Variants in NEBL observed in about 807,000 individuals in gnomAD.
The protein encoded by NEBL is nebulette.
Under a neutral mutation model 140.2 loss-of-function variants are expected in NEBL, and 122 were observed. That is an observed-to-expected ratio of 0.87 (90% CI 0.75 to 1.01). The LOEUF (loss-of-function observed/expected upper bound fraction) is 1.01. NEBL is among the 50% of genes least tolerant of loss of function. NEBL has a pLI of 0.00. For missense variants in NEBL, 1,365 were observed against 1,231.3 expected (o/e 1.11, Z -1.62); for synonymous variants, 436 against 398.9 (o/e 1.09, Z -1.11).
chr10:20,907,021 T>A lies in NEBL; in HGVS notation c.357+54651A>T, dbSNP rs1312751604. Among the ~76,000 whole-genome samples the A allele has an allele frequency of 2.2e-4, 34 of 152,178 alleles. 3 individuals are homozygous for A. The highest frequency in any genetic ancestry group is 2.2e-3 in the Admixed American group (34 of 15,274). Reference sequence around the variant, plus strand: ...CACAACTCAATTCCAACTAGCCACATTTTAAGTGTTCAATGGTCAGATGTA... The same window carrying A: ...CACAACTCAATTCCAACTAGCCACAATTTAAGTGTTCAATGGTCAGATGTA... On this transcript the variant is annotated intron_variant, in intron 4 of 6. Transcript: ENST00000417816.
intron 3 of NEBL, among the ~76,000 whole-genome samples, chr10:21,235,881 G>C (rs1247015133): frequency 6.6e-6 from 1 of 152,072 alleles, no homozygotes; most frequent in Non-Finnish European, 1.5e-5. Flanking sequence ...GAGATGTGGC[G>C]ATCATTCATG....
intron 2 of NEBL, among the ~76,000 whole-genome samples, chr10:21,054,032 C>CAAAACAA (rs10595673): frequency 6.6e-6 from 1 of 150,980 alleles, no homozygotes; most frequent in Non-Finnish European, 1.5e-5. Flanking sequence ...GACTCCATCT[C>CAAAACAA]AAAACAAAAA....
At chr10:21,005,333 A>T (rs78993744) in intron 3 of NEBL, among the ~76,000 whole-genome samples, 1 of 152,194 alleles carries the variant, frequency 6.6e-6, no homozygotes, top group Non-Finnish European at 1.5e-5. Flanking sequence ...CAGCTGGTCA[A>T]ATTGGCCAGA....
intron 3 of NEBL, among the ~76,000 whole-genome samples, chr10:20,966,125 T>A (rs1052290441): frequency 6.6e-6 from 1 of 152,214 alleles, no homozygotes; most frequent in Non-Finnish European, 1.5e-5. Context: ...AGAAGTAACT[T>A]CAAAATGTCT....
At chr10:21,075,618 C>T (rs1047343974) in intron 2 of NEBL, among the ~76,000 whole-genome samples, 1 of 152,156 alleles carries the variant, frequency 6.6e-6, no homozygotes, top group Non-Finnish European at 1.5e-5. Context: ...CGGTCTGCAG[C>T]GTGGATGATC....
chr10:20,833,328 G>GAAAT (rs1375716953), intron 14 of NEBL, among the ~76,000 whole-genome samples: 1 of 152,058 alleles, frequency 6.6e-6, no homozygotes, highest in Admixed American at 6.5e-5. Flanking sequence ...AGGGTCATTT[G>GAAAT]TGTCACAATA....
intron 1 of NEBL, among the ~76,000 whole-genome samples, chr10:21,273,139 G>A (rs1356065472): frequency 6.6e-6 from 1 of 152,104 alleles, no homozygotes; most frequent in Non-Finnish European, 1.5e-5. Flanking sequence ...GAGCTTGTGG[G>A]CCCTCGGAGG....
intron 2 of NEBL, chr10:21,171,685 C>G (rs751056589): frequency 6.5e-6 from 1 of 154,226 alleles, no homozygotes; most frequent in Non-Finnish European, 1.4e-5. Context: ...GCTTGACACA[C>G]GGTGAGCGCG....
At position 20,828,564 on chromosome 10, in the gene NEBL, T is replaced by C; in HGVS notation, c.1742A>G (p.Gln581Arg). The change falls in exon 17 of 28, where the codon CAG becomes CGG. Residue 581 changes from glutamine (Q) to arginine (R), a missense_variant. Physicochemically the swap from Gln to Arg is conservative, Grantham distance 43 (BLOSUM62 1). This residue lies in a region of NEBL where 1,323 missense variants were observed against 1,154.8 expected (regional missense o/e 1.15). Transcript: ENST00000377122. ...GTTTTGTTGAGTTGTCTTAATTCTC[T>C]GAATTTCAGGAGTATCTGCTATGGT... ...YSTIADTPEI[Q>R]RIKTTQQNIS... 6.3e-7 allele frequency: 1 copy of C among 1,595,898 alleles called. No homozygotes were observed. Among genetic ancestry groups the C allele is most frequent in the Non-Finnish European group, 8.6e-7 (1 of 1,163,796 alleles).
At chr10:21,004,980 G>A (rs1838072549) in intron 3 of NEBL, among the ~76,000 whole-genome samples, 1 of 152,150 alleles carries the variant, frequency 6.6e-6, no homozygotes, top group Non-Finnish European at 1.5e-5. Flanking sequence ...GTGAATTAAG[G>A]GTAGGCCATT....
At chr10:21,259,897 G>A (rs1330638725) in intron 1 of NEBL, among the ~76,000 whole-genome samples, 3 of 152,162 alleles carry the variant, frequency 2.0e-5, no homozygotes, top group South Asian at 2.1e-4. Flanking sequence ...TTTGAGTGGC[G>A]GAGGAAGCAT....
intron 2 of NEBL, among the ~76,000 whole-genome samples, chr10:21,139,283 C>T (rs1472786520): frequency 6.6e-6 from 1 of 151,968 alleles, no homozygotes; most frequent in Non-Finnish European, 1.5e-5. Context: ...GGAGTTGTGG[C>T]CAAAGGTTTT....
chr10:21,142,787 G>A (rs1284216106), intron 2 of NEBL, among the ~76,000 whole-genome samples: 1 of 152,042 alleles, frequency 6.6e-6, no homozygotes, highest in Non-Finnish European at 1.5e-5. Context: ...GCGTGTGAGG[G>A]ATCCCAGTTG....
intron 2 of NEBL, among the ~76,000 whole-genome samples, chr10:21,021,415 G>T (rs1480106652): frequency 1.3e-5 from 2 of 152,044 alleles, no homozygotes; most frequent in Admixed American, 6.6e-5. Context: ...GTCTGCCAAG[G>T]CCCCCATGGC....
intron 3 of NEBL, among the ~76,000 whole-genome samples, chr10:20,978,204 T>C (rs1836881327): frequency 6.6e-6 from 1 of 152,162 alleles, no homozygotes; most frequent in Non-Finnish European, 1.5e-5. Flanking sequence ...AAATATTCCA[T>C]CTTCCCCAAC....
intron 3 of NEBL, among the ~76,000 whole-genome samples, chr10:20,976,938 A>G (rs76824049): frequency 1.3e-5 from 2 of 152,102 alleles, no homozygotes; most frequent in South Asian, 2.1e-4. Context: ...AAAAAAAAAA[A>G]AGTGCTTCAG....
chr10:21,087,262 A>G (rs1836678070), intron 2 of NEBL, among the ~76,000 whole-genome samples: 1 of 152,202 alleles, frequency 6.6e-6, no homozygotes, highest in South Asian at 2.1e-4. Context: ...ATGAGTCAGT[A>G]ATTTTTCTGA....
intron 2 of NEBL, among the ~76,000 whole-genome samples, chr10:21,067,600 A>G (rs1188400452): frequency 1.3e-5 from 2 of 152,184 alleles, no homozygotes; most frequent in African/African-American, 2.4e-5. Flanking sequence ...ATGTAACTCC[A>G]AAAGGCAGAA....
intron 4 of NEBL, among the ~76,000 whole-genome samples, chr10:20,927,205 T>G (rs1184178613): frequency 6.6e-6 from 1 of 152,236 alleles, no homozygotes; most frequent in Non-Finnish European, 1.5e-5. Context: ...GAATGGACCA[T>G]GAGTTCAAGT....
Sources: gnomAD v4.1 joint callset for allele counts (sites outside exome capture counted in the v4.1 genomes callset) on GRCh38, gnomAD v4.1.1 for gene constraint, gnomAD v4.1.1 regional missense constraint, MANE v1.5 for transcripts, NCBI Gene and HGNC (gene_info 2026-07-23, HGNC 2026-07-21) for gene names.